The following ERC1 variants were observed in gnomAD, a reference collection of about 807,000 sequenced individuals.
ERC1 encodes ELKS/RAB6-interacting/CAST family member 1, also known as RAB6 interacting protein 2.
A neutral mutation model predicts 132.0 loss-of-function variants in ERC1; 56 were observed. That is an observed-to-expected ratio of 0.42 (90% CI 0.34 to 0.53). ERC1 has a LOEUF of 0.53. ERC1 is among the 20% of genes least tolerant of loss of function. The pLI, the probability that ERC1 is intolerant of heterozygous loss-of-function variation, is 0.03. For missense variants in ERC1, 1,202 were observed against 1,349.9 expected (o/e 0.89, Z 1.72); for synonymous variants, 478 against 476.1 (o/e 1.00, Z -0.05).
chr12:1,228,406 G>A (rs1303669038), intron 12 of ERC1, among the ~76,000 whole-genome samples: 2 of 56,104 alleles, frequency 3.6e-5, no homozygotes, highest in Non-Finnish European at 6.8e-5. Flanking sequence ...CAACTTTACT[G>A]AACTTACTAT....
intron 15 of ERC1, among the ~76,000 whole-genome samples, chr12:1,348,974 T>C (rs1465515119): frequency 6.6e-6 from 1 of 152,246 alleles, no homozygotes; most frequent in Non-Finnish European, 1.5e-5. Flanking sequence ...TCCAATCATT[T>C]TGATGACTTG....
chr12:1,388,777 T>C (rs1025590367), intron 16 of ERC1, among the ~76,000 whole-genome samples: 6 of 152,130 alleles, frequency 3.9e-5, no homozygotes, highest in Non-Finnish European at 8.8e-5. Context: ...AAATATGAAA[T>C]GATGAGGACA....
chr12:1,320,504 T>C (rs998520501), intron 15 of ERC1, among the ~76,000 whole-genome samples: 1 of 152,202 alleles, frequency 6.6e-6, no homozygotes, highest in South Asian at 2.1e-4. Context: ...TAATGAACAT[T>C]TAAGTTACTT....
intron 18 of ERC1, among the ~76,000 whole-genome samples, chr12:1,464,312 A>G (rs2093699090): frequency 6.6e-6 from 1 of 152,138 alleles, no homozygotes; most frequent in Non-Finnish European, 1.5e-5. Flanking sequence ...TCCATAGCTT[A>G]TCTCAGAGAA....
intron 18 of ERC1, among the ~76,000 whole-genome samples, chr12:1,460,561 T>G (rs994801905): frequency 2.0e-5 from 3 of 152,194 alleles, no homozygotes; most frequent in Non-Finnish European, 4.4e-5. Context: ...AAGGCAGGTT[T>G]AAGTTTAACA....
At chr12:1,112,432 C>T in intron 6 of ERC1, 134 bp downstream of exon 6, 1 of 595,292 alleles carries the variant, frequency 1.7e-6, no homozygotes, top group Non-Finnish European at 3.0e-6. Context: ...CACTAACCAG[C>T]CTGCTCTGCT....
chr12:1,125,819 A>G (rs1948099117), intron 7 of ERC1, among the ~76,000 whole-genome samples: 1 of 152,254 alleles, frequency 6.6e-6, no homozygotes, highest in Non-Finnish European at 1.5e-5. Flanking sequence ...CCGTCTCAAA[A>G]CAAAACAAAC....
chr12:1,292,872 C>T (rs532438737), intron 15 of ERC1, among the ~76,000 whole-genome samples: 58 of 152,030 alleles, frequency 3.8e-4, no homozygotes, highest in African/African-American at 1.3e-3. Context: ...ATTGGCTGGA[C>T]GTGGTGGCTC....
At chr12:1,257,933 T>C (rs1007226521) in intron 13 of ERC1, among the ~76,000 whole-genome samples, 1 of 152,248 alleles carries the variant, frequency 6.6e-6, no homozygotes, top group African/African-American at 2.4e-5. Flanking sequence ...ACCTCCTTTT[T>C]TTAAGACTAA....
chr12:1,260,481 C>T (rs1027936878), intron 13 of ERC1, among the ~76,000 whole-genome samples: 2 of 152,142 alleles, frequency 1.3e-5, no homozygotes, highest in Admixed American at 6.5e-5. Flanking sequence ...TAAATATTAC[C>T]TAGCAGTGCT....
At chr12:1,224,817 CA>C (rs1304166997) in intron 12 of ERC1, among the ~76,000 whole-genome samples, 5 of 151,742 alleles carry the variant, frequency 3.3e-5, no homozygotes, top group Non-Finnish European at 5.9e-5. Flanking sequence ...CTCATCTCTA[CA>C]AAAAATAAAC....
intron 7 of ERC1, among the ~76,000 whole-genome samples, chr12:1,121,846 T>A (rs796825260): frequency 2.9e-4 from 13 of 44,078 alleles, no homozygotes; most frequent in African/African-American, 8.2e-4. Flanking sequence ...TATCTATCTC[T>A]ATCTCTATCT....
intron 15 of ERC1, among the ~76,000 whole-genome samples, chr12:1,356,579 TAAAAAC>T: frequency 6.6e-6 from 1 of 152,162 alleles, no homozygotes; most frequent in African/African-American, 2.4e-5. Context: ...ACCTTCAAAT[TAAAAAC>T]AAAAACACTT....
chr12:1,450,397 G>C (rs58991167), intron 18 of ERC1, among the ~76,000 whole-genome samples: 14,707 of 152,176 alleles, frequency 0.097, 2,390 homozygotes, highest in African/African-American at 0.33. Context: ...AATGGAATCA[G>C]GCAGTATTTG....
chr12:1,452,612 C>CTGTTT (rs1266694474), intron 18 of ERC1, among the ~76,000 whole-genome samples: 2 of 151,912 alleles, frequency 1.3e-5, no homozygotes, highest in East Asian at 1.9e-4. Flanking sequence ...TCTTGGATTT[C>CTGTTT]TGTTTTGTTT....
rs1050156391 is a variant in ERC1 at position 1,141,638 on chromosome 12, C to T, written c.1588C>T (p.Arg530Cys). The T allele has an allele frequency of 1.9e-6, 3 of 1,608,794 alleles. No individual in the cohort carries two copies. Among genetic ancestry groups the T allele is most frequent in the South Asian group, 1.1e-5 (1 of 90,024 alleles). ...TTCTTAGGTGGATGCTCTCCGATTG[C>T]GTTTGGAAGAGAAGGAAACCATGTT... ...LQTEVDALRL[R>C]LEEKETMLNK... Residue 530 changes from arginine to cysteine, a missense_variant, in exon 8 of 19, where the codon CGT (arginine) becomes TGT (cysteine). Arg to Cys is a radical substitution (Grantham distance 180). Transcript: ENST00000360905.
intron 12 of ERC1, among the ~76,000 whole-genome samples, chr12:1,231,050 T>C (rs112019141): frequency 2.6e-5 from 4 of 152,194 alleles, no homozygotes; most frequent in Non-Finnish European, 5.9e-5. Context: ...ATTTAATCCA[T>C]TTAAAGTAAT....
chr12:1,320,560 T>A (rs1292975022), intron 15 of ERC1, among the ~76,000 whole-genome samples: 1 of 152,226 alleles, frequency 6.6e-6, no homozygotes, highest in Non-Finnish European at 1.5e-5. Flanking sequence ...TTTAACAAAT[T>A]TGTAATGCAG....
At chr12:1,102,046 A>G (rs1371794460) in intron 3 of ERC1, among the ~76,000 whole-genome samples, 1 of 152,190 alleles carries the variant, frequency 6.6e-6, no homozygotes, top group Non-Finnish European at 1.5e-5. Context: ...TGCAGGTAGG[A>G]AAGGAAAAGG....
Sources: gnomAD v4.1 joint callset for allele counts (sites outside exome capture counted in the v4.1 genomes callset) on GRCh38, gnomAD v4.1.1 for gene constraint, MANE v1.5 for transcripts, NCBI Gene and HGNC (gene_info 2026-07-23, HGNC 2026-07-21) for gene names.